The following PLD4 variants were observed in gnomAD, a reference collection of about 807,000 sequenced individuals.
PLD4 encodes the protein phospholipase D family member 4, also known as 5'-3' exonuclease PLD4.
Under a neutral mutation model 52.3 loss-of-function variants are expected in PLD4, and 54 were observed. The observed-to-expected ratio is 1.03, with a 90% CI of 0.83 to 1.30. PLD4 has a LOEUF of 1.30. Ranked by LOEUF, PLD4 falls within the 50% of genes most tolerant of loss-of-function variation. The pLI is 0.00. For missense variants in PLD4, 731 were observed against 671.1 expected (o/e 1.09, Z -0.99); for synonymous variants, 264 against 286.5 (o/e 0.92, Z 0.79).
Position 104,932,213 on chromosome 14 carries a change from G to A in PLD4, c.1224+36G>A, listed in dbSNP as rs528566264. 4 of 1,612,288 alleles carry A rather than the reference G, an allele frequency of 2.5e-6. No individual in the cohort carries two copies. In the African/African-American group the frequency reaches 4.0e-5, roughly 16 times the overall value. On this transcript the variant is annotated intron_variant, in intron 9 of 10. Transcript: ENST00000392593. The surrounding 1 kb of genome is among the most constrained non-coding windows in gnomAD (Gnocchi z 6.5). ...GCTCCCGGCCGGGCGTGGGAAAGGC[G>A]GCCCTCCTGCCGCCCTTCCTGACGC... is the stretch of plus-strand genomic sequence containing the variant.
chr14:104,931,308 C>A (rs963278606), intron 7 of PLD4, among the ~76,000 whole-genome samples: 2 of 151,830 alleles, frequency 1.3e-5, no homozygotes, highest in Non-Finnish European at 2.9e-5. Context: ...ACTTGCTCTG[C>A]GGGGAAGGAA....
rs1186826682 is a variant in PLD4 at position 104,924,956 on chromosome 14, G to A, written c.-35G>A. 5 of 152,784 alleles carry A rather than the reference G, an allele frequency of 3.3e-5. No homozygotes were observed. Among genetic ancestry groups the A allele is most frequent in the African/African-American group, 9.6e-5 (4 of 41,466 alleles). 9.5% of individuals were successfully genotyped at this position (152,784 alleles called of 1,614,324 possible). ...GCTGAGGGCCTGCAGTCTGCGGCTGGAATCAGGATAGACACCAAGGCAGGA... is the reference window on the plus strand; with the variant it reads ...GCTGAGGGCCTGCAGTCTGCGGCTGAAATCAGGATAGACACCAAGGCAGGA... On this transcript the variant is annotated 5_prime_UTR_variant, in exon 1 of 11. Transcript: ENST00000392593. The surrounding 1 kb of genome is among the most constrained non-coding windows in gnomAD (Gnocchi z 4.4).
Position 104,930,694 on chromosome 14 carries a change from C to T in PLD4, c.718-48C>T, listed in dbSNP as rs767974881. ...GGCCTGGGTGGAGTGGGGTGGAGGC[C>T]CCACAGAGGGGTTTTTCTCCCACAG... On this transcript the variant is annotated intron_variant, in intron 6 of 10. Coordinates refer to ENST00000392593, the MANE Select transcript of PLD4 (RefSeq NM_138790.5). The T allele has an allele frequency of 3.1e-6, 5 of 1,600,344 alleles. No individual in the cohort carries two copies. The South Asian group carries it at 5.5e-5, about 18-fold the overall frequency.
intron 1 of PLD4, among the ~76,000 whole-genome samples, chr14:104,925,214 T>C (rs1897415444): frequency 6.6e-6 from 1 of 152,244 alleles, no homozygotes; most frequent in African/African-American, 2.4e-5. Flanking sequence ...TACCTCAGCC[T>C]GGGACTGGCA....
rs1297739524 is a variant in PLD4 at position 104,932,311 on chromosome 14, T to C, written c.1277T>C (p.Val426Ala). The change falls in exon 10 of 11, where the codon GTG becomes GCG. Residue 426 changes from valine to alanine, a missense_variant. Physicochemically the swap from Val to Ala is moderately conservative, Grantham distance 64. Transcript: ENST00000392593. This position sits in a 1 kb window ranked among gnomAD's most constrained non-coding sequence, Gnocchi z 6.5. ...CATTCCAACATCCCATTCAGCAGGG[T>C]GAACCACAGCAAGTTCATGGTCACG... ...GNHSNIPFSR[V>A]NHSKFMVTEK... The C allele has an allele frequency of 2.5e-6, 4 of 1,612,618 alleles. No homozygotes were observed. Among genetic ancestry groups the C allele is most frequent in the Non-Finnish European group, 2.5e-6 (3 of 1,179,862 alleles).
rs747726621 is a variant in PLD4, at chr14:104,927,711, C to T, written c.129C>T (p.Gly43=). 6.3e-7 allele frequency: 1 copy of T among 1,591,104 alleles called. No individual in the cohort carries two copies. The highest frequency in any genetic ancestry group is 8.5e-7 in the Non-Finnish European group (1 of 1,173,636). Residue 43 remains glycine (G), a synonymous_variant, in exon 3 of 11, where the codon GGC becomes GGT. Transcript: ENST00000392593. Reference sequence around the variant, plus strand: ...GAGCGCTGGCTGTGCTGTGGCTGGGCTCCGTGGCTCTTATCTGCCTCCTGT... The same window carrying T: ...GAGCGCTGGCTGTGCTGTGGCTGGGTTCCGTGGCTCTTATCTGCCTCCTGT... ...VLGALAVLWL[G]SVALICLLWQ...
intron 1 of PLD4, among the ~76,000 whole-genome samples, chr14:104,926,580 G>A (rs1053467265): frequency 2.0e-5 from 3 of 152,222 alleles, no homozygotes; most frequent in Non-Finnish European, 4.4e-5. Flanking sequence ...CTGCTCAGCT[G>A]CCCCCTCTGA....
chr14:104,935,946 AC>A (rs1897798614), downstream of PLD4: 1 of 152,124 alleles, frequency 6.6e-6, no homozygotes, highest in Admixed American at 6.6e-5. Flanking sequence ...TGAGCAGAGA[AC>A]CCAACAAAGC....
rs766731795 is a variant in PLD4 at position 104,932,727 on chromosome 14, G to A, written c.1322-38G>A. On this transcript the variant is annotated intron_variant, in intron 10 of 10. Coordinates refer to ENST00000392593, the MANE Select transcript of PLD4 (RefSeq NM_138790.5). The surrounding 1 kb of genome is among the most constrained non-coding windows in gnomAD (Gnocchi z 6.5). ...GAGCGGGCTGCAGAGGGGCCTGTGG[G>A]AGCCGGCGCCCCAGTGTCTCCTCCA... The A allele has an allele frequency of 1.3e-6, 2 of 1,483,188 alleles. No homozygotes were observed. The highest frequency in any genetic ancestry group is 2.2e-5 in the Admixed American group (1 of 44,684). The allele number at this position is 1,483,188 out of a possible 1,614,324, so 91.9% of individuals were successfully genotyped here.
Position 104,928,906 on chromosome 14 carries a change from G to A in PLD4, c.442G>A (p.Gly148Arg), listed in dbSNP as rs563935854. 36 of 1,605,488 alleles carry A rather than the reference G, an allele frequency of 2.2e-5. No homozygotes were observed. The highest frequency in any genetic ancestry group is 2.0e-4 in the Admixed American group (12 of 59,806). ...CTGGTCCCTCACAGGGCCTGACATCGGGGTCAACGACTCGTCTTCCCAGCT... is the reference window on the plus strand; with the variant it reads ...CTGGTCCCTCACAGGGCCTGACATCAGGGTCAACGACTCGTCTTCCCAGCT... ...YYWSLTGPDI[G>R]VNDSSSQLGE... Residue 148 changes from glycine (G) to arginine (R), a missense_variant, in exon 4 of 11, where the codon GGG becomes AGG. Transcript: ENST00000392593.
rs1387822628 is a variant in PLD4 at position 104,929,303 on chromosome 14, G to A, written c.469-4G>A. ...CAGCTCTCATGGCTGGCCTGGCCTT[G>A]CAGGGAGAGGCTCTTCTGCAGAAGC... On this transcript the variant is annotated splice_region_variant and splice_polypyrimidine_tract_variant and intron_variant, in intron 4 of 10. Transcript: ENST00000392593. 5.1e-6 allele frequency: 8 copies of A among 1,583,608 alleles called. No homozygotes were observed. The highest frequency in any genetic ancestry group is 6.9e-6 in the Non-Finnish European group (8 of 1,165,466).
Position 104,927,842 on chromosome 14 carries a change from C to A in PLD4, c.260C>A (p.Ala87Asp). Residue 87 changes from alanine (A) to aspartate (D), a missense_variant, in exon 3 of 11, where the codon GCC becomes GAC. Ala to Asp is a moderately radical substitution (Grantham distance 126, BLOSUM62 -2). Transcript: ENST00000392593. ...SPAWEPLEAE[A>D]RQQRDSCQLV... is the part of the protein sequence containing the mutation. ...GCTTGGGAGCCCCTGGAAGCAGAGG[C>A]CAGGCAGCAGAGGGACTCCTGCCAG... 6.3e-7 allele frequency: 1 copy of A among 1,583,398 alleles called. No homozygotes were observed. Among genetic ancestry groups the A allele is most frequent in the Admixed American group, 1.7e-5 (1 of 58,496 alleles).
In PLD4 at chr14:104,930,810, G is replaced by C; in HGVS notation, c.786G>C (p.Gln262His). Residue 262 changes from glutamine (Q) to histidine (H), a missense_variant, in exon 7 of 11, where the codon CAG becomes CAC. Coordinates refer to ENST00000392593, the MANE Select transcript of PLD4 (RefSeq NM_138790.5). ...HLAQDLEKTFQTYWVLGVPKA... is the reference protein window; with the variant it reads ...HLAQDLEKTFHTYWVLGVPKA... ...CCCAAGACCTGGAGAAGACCTTCCAGACCTACTGGGTACTGGGGGTGCCCA... is the reference window on the plus strand; with the variant it reads ...CCCAAGACCTGGAGAAGACCTTCCACACCTACTGGGTACTGGGGGTGCCCA... 1 of 1,613,560 alleles carries C rather than the reference G, an allele frequency of 6.2e-7. No homozygotes were observed. Among genetic ancestry groups the C allele is most frequent in the Non-Finnish European group, 8.5e-7 (1 of 1,180,022 alleles).
intron 3 of PLD4, among the ~76,000 whole-genome samples, 155 bp from the exon 4 acceptor site, chr14:104,928,594 A>G (rs1446641527): frequency 6.6e-6 from 1 of 152,090 alleles, no homozygotes; most frequent in Non-Finnish European, 1.5e-5. Flanking sequence ...TGTTGCCTAT[A>G]CCTTAAACCC....
Position 104,932,965 on chromosome 14 carries a change from G to C in PLD4, c.*1G>C. The C allele has an allele frequency of 1.3e-6, 2 of 1,576,484 alleles. No homozygotes were observed. Among genetic ancestry groups the C allele is most frequent in the South Asian group, 1.2e-5 (1 of 86,952 alleles). ...CCAGGACTGCGTTTGGCAGGGCTGA[G>C]GGGGGCCTCTTTTTCTCTCGGCGAC... On this transcript the variant is annotated 3_prime_UTR_variant, in exon 11 of 11. Coordinates refer to ENST00000392593, the MANE Select transcript of PLD4 (RefSeq NM_138790.5). This position sits in a 1 kb window ranked among gnomAD's most constrained non-coding sequence, Gnocchi z 6.5.
chr14:104,927,028 G>C (rs1467645626), intron 1 of PLD4, 113 bp from the exon 2 acceptor site: 1 of 933,946 alleles, frequency 1.1e-6, no homozygotes, highest in Admixed American at 3.6e-5. Flanking sequence ...GGGCTTTTGG[G>C]GGCTTATGTG....
rs1897584163 is a variant in PLD4 at position 104,929,940 on chromosome 14, A to G, written c.590-38A>G. The stretch of plus-strand genomic sequence containing the variant: ...GCTCACCATGAAGCTAGCACTTAGC[A>G]AGACCTAGTTCATCCCATTGCCTGA... On this transcript the variant is annotated intron_variant, in intron 5 of 10. Coordinates refer to ENST00000392593, the MANE Select transcript of PLD4 (RefSeq NM_138790.5). 3 of 1,610,762 alleles carry G rather than the reference A, an allele frequency of 1.9e-6. No homozygotes were observed. In the African/African-American group the frequency reaches 4.0e-5, roughly 21 times the overall value.
chr14:104,929,877 C>T, intron 5 of PLD4, 101 bp from the exon 6 acceptor site: 1 of 1,376,236 alleles, frequency 7.3e-7, no homozygotes, highest in South Asian at 1.3e-5. Flanking sequence ...GTTGTGAGGA[C>T]ATCTGAGTCA....
intron 2 of PLD4, 56 bp from the exon 3 acceptor site, chr14:104,927,617 A>G (rs1897499489): frequency 7.4e-6 from 11 of 1,479,482 alleles, no homozygotes; most frequent in African/African-American, 1.4e-5. Context: ...ATCGTGGCCC[A>G]GCCAGAAGTC....
Sources: gnomAD v4.1 joint callset for allele counts (sites outside exome capture counted in the v4.1 genomes callset) on GRCh38, gnomAD v4.1.1 for gene constraint, Gnocchi (gnomAD v3.1) non-coding constraint, MANE v1.5 for transcripts, NCBI Gene and HGNC (gene_info 2026-07-23, HGNC 2026-07-21) for gene names.